Variants in CIT observed in about 807,000 individuals in gnomAD.
CIT encodes citron rho-interacting serine/threonine kinase, also known as citron Rho-interacting kinase.
In CIT, 79 loss-of-function variants were observed where a neutral mutation model predicts 272.7. That is an observed-to-expected ratio of 0.29 (90% confidence interval 0.24 to 0.35). The LOEUF (loss-of-function observed/expected upper bound fraction) is 0.35. Among genes scored for constraint, CIT ranks in the 10% least tolerant of loss-of-function variants. The pLI, the probability that CIT is intolerant of heterozygous loss-of-function variation, is 1.00. For synonymous variants in CIT, 948 were observed against 995.6 expected (o/e 0.95, Z 0.90); for missense variants, 1,909 against 2,618.3 (o/e 0.73, Z 5.91).
At position 119,735,151 on chromosome 12, in the gene CIT, C is replaced by T. The variant is rs777877909; in HGVS notation, c.3156+9G>A. On this transcript the variant is annotated intron_variant, in intron 25 of 47. Transcript: ENST00000392521. ...CCAGGGATCTCACGACCTTGTTAACCCTCCTTACTTGCTTCTGGCTGGTAA... is the reference window on the plus strand; with the variant it reads ...CCAGGGATCTCACGACCTTGTTAACTCTCCTTACTTGCTTCTGGCTGGTAA... 1 of 1,612,972 alleles carries T rather than the reference C, an allele frequency of 6.2e-7. No homozygotes were observed. Among genetic ancestry groups the T allele is most frequent in the South Asian group, 1.1e-5 (1 of 91,016 alleles).
At chr12:119,772,121 C>G (rs1166452536) in intron 17 of CIT, among the ~76,000 whole-genome samples, 1 of 152,018 alleles carries the variant, frequency 6.6e-6, no homozygotes, top group Admixed American at 6.5e-5. Flanking sequence ...AAAGACCCAG[C>G]AATAGGAGGA....
At chr12:119,704,853 G>A (rs1031978261) in intron 40 of CIT, among the ~76,000 whole-genome samples, 1 of 152,200 alleles carries the variant, frequency 6.6e-6, no homozygotes, top group African/African-American at 2.4e-5. Context: ...TGTGAGGAGG[G>A]AGAAGACAGA....
chr12:119,773,560 A>C (rs1321575212), intron 16 of CIT, among the ~76,000 whole-genome samples: 3 of 152,050 alleles, frequency 2.0e-5, no homozygotes, highest in Non-Finnish European at 4.4e-5. Context: ...CAGCCTCCCG[A>C]GTAGCTAGGA....
intron 22 of CIT, among the ~76,000 whole-genome samples, chr12:119,753,890 T>G (rs1960598225): frequency 6.6e-6 from 1 of 152,194 alleles, no homozygotes; most frequent in Non-Finnish European, 1.5e-5. Flanking sequence ...ACTTGAGCCC[T>G]GCGGGAGACA....
chr12:119,782,450 C>A, intron 13 of CIT, 68 bp downstream of exon 13: 1 of 1,567,682 alleles, frequency 6.4e-7, no homozygotes, highest in East Asian at 2.3e-5. Context: ...CTCTCAAACA[C>A]GCCTCTCCTG....
At chr12:119,760,679 G>T (rs553677312) in intron 20 of CIT, among the ~76,000 whole-genome samples, 20 of 150,084 alleles carry the variant, frequency 1.3e-4, no homozygotes, top group Non-Finnish European at 3.0e-4. Flanking sequence ...TTTTGTCAGG[G>T]GCATTTAGAA....
intron 8 of CIT, among the ~76,000 whole-genome samples, chr12:119,823,359 T>C (rs919479269): frequency 2.6e-5 from 4 of 152,184 alleles, no homozygotes; most frequent in Non-Finnish European, 4.4e-5. Flanking sequence ...TTTCTGCATG[T>C]TCCCTCTGCA....
At chr12:119,842,121 T>C (rs759862401) in intron 5 of CIT, among the ~76,000 whole-genome samples, 3 of 152,114 alleles carry the variant, frequency 2.0e-5, no homozygotes, top group Non-Finnish European at 2.9e-5. Flanking sequence ...CAGGGCACAG[T>C]GACTCACGCC....
chr12:119,719,340 C>T (rs1248800140), intron 30 of CIT, among the ~76,000 whole-genome samples: 1 of 148,460 alleles, frequency 6.7e-6, no homozygotes, highest in Non-Finnish European at 1.5e-5. Context: ...AAGGGGCTTA[C>T]TCAAAAAAAA....
chr12:119,730,249 T>C (rs1389514435), intron 27 of CIT, among the ~76,000 whole-genome samples: 2 of 152,126 alleles, frequency 1.3e-5, no homozygotes, highest in South Asian at 2.1e-4. Context: ...TTCAAGGGCC[T>C]AGACACACAG....
At chr12:119,876,587 A>G (rs1594032400) in intron 1 of CIT, among the ~76,000 whole-genome samples, 1 of 152,200 alleles carries the variant, frequency 6.6e-6, no homozygotes, top group East Asian at 1.9e-4. Context: ...AACAAAATCG[A>G]GCAAGAAAAG....
intron 25 of CIT, among the ~76,000 whole-genome samples, chr12:119,734,626 ATTTTGT>A (rs1218967614): frequency 6.6e-6 from 1 of 151,716 alleles, no homozygotes; most frequent in Non-Finnish European, 1.5e-5. Context: ...AAAGCATTTG[ATTTTGT>A]TTTTATCTAT....
At chr12:119,854,184 AC>A (rs771681730) in intron 4 of CIT, among the ~76,000 whole-genome samples, 1 of 151,626 alleles carries the variant, frequency 6.6e-6, no homozygotes, top group Non-Finnish European at 1.5e-5. Flanking sequence ...GCACCACCAC[AC>A]CCGGCTAATT....
chr12:119,863,442 T>C (rs1406583341), intron 3 of CIT, among the ~76,000 whole-genome samples: 3 of 152,092 alleles, frequency 2.0e-5, no homozygotes, highest in Non-Finnish European at 4.4e-5. Context: ...GACGAAATAA[T>C]CTATAACAAA....
chr12:119,806,493 C>G (rs1351976791), intron 9 of CIT, among the ~76,000 whole-genome samples: 4 of 152,110 alleles, frequency 2.6e-5, no homozygotes, highest in African/African-American at 9.7e-5. Flanking sequence ...TATCCTGTTA[C>G]AATTCAAGAA....
intron 3 of CIT, among the ~76,000 whole-genome samples, chr12:119,868,188 A>G (rs770299718): frequency 9.9e-5 from 15 of 152,162 alleles, no homozygotes; most frequent in Non-Finnish European, 1.9e-4. Context: ...TACCACTGCA[A>G]TCCAGCCTGG....
At chr12:119,848,772 T>C (rs1017093209) in intron 5 of CIT, among the ~76,000 whole-genome samples, 1 of 152,060 alleles carries the variant, frequency 6.6e-6, no homozygotes, top group African/African-American at 2.4e-5. Context: ...ACACCTGTAA[T>C]CCCAGCACTT....
intron 17 of CIT, 29 bp downstream of exon 17, chr12:119,772,741 G>C (rs556537327): frequency 3.1e-6 from 5 of 1,588,574 alleles, no homozygotes; most frequent in Non-Finnish European, 4.3e-6. Flanking sequence ...CGAGGCCGCT[G>C]GGGCCTGGGC....
chr12:119,794,065 T>C (rs1347176383), intron 10 of CIT, among the ~76,000 whole-genome samples: 2 of 152,162 alleles, frequency 1.3e-5, no homozygotes. Flanking sequence ...TCAGAGAACC[T>C]TTCCTTGCGG....
Sources: gnomAD v4.1 joint callset for allele counts (sites outside exome capture counted in the v4.1 genomes callset) on GRCh38, gnomAD v4.1.1 for gene constraint, MANE v1.5 for transcripts, NCBI Gene and HGNC (gene_info 2026-07-23, HGNC 2026-07-21) for gene names.